The following RPTOR variants were observed in gnomAD, a reference collection of about 807,000 sequenced individuals.
RPTOR encodes regulatory-associated protein of mTOR.
RPTOR carries 21 observed loss-of-function variants against 169.9 expected under a neutral mutation model. That is an observed-to-expected ratio of 0.12 (90% confidence interval 0.09 to 0.18). The LOEUF is 0.18. Ranked by LOEUF, RPTOR falls within the 10% of genes least tolerant of loss-of-function variation. RPTOR has a pLI of 1.00. For missense variants in RPTOR, 1,133 were observed against 1,855.9 expected, an observed-to-expected ratio of 0.61 and a Z score of 7.16; for synonymous variants, 732 against 753.2, an observed-to-expected ratio of 0.97 and a Z score of 0.46.
intron 17 of RPTOR, among the ~76,000 whole-genome samples, chr17:80,890,931 A>C (rs1036089546): frequency 6.6e-6 from 1 of 152,152 alleles, no homozygotes; most frequent in African/African-American, 2.4e-5. Flanking sequence ...CGCGACTAGC[A>C]AGGGGTCCTC....
chr17:80,883,725 C>CA, intron 15 of RPTOR, 56 bp from the exon 16 acceptor site: 1 of 1,579,708 alleles, frequency 6.3e-7, no homozygotes, highest in Non-Finnish European at 8.7e-7. Context: ...AGGTACCCAC[C>CA]ACGTGCCTGC....
chr17:80,709,546 G>C (rs2066169425), intron 4 of RPTOR, among the ~76,000 whole-genome samples: 1 of 152,244 alleles, frequency 6.6e-6, no homozygotes, highest in Non-Finnish European at 1.5e-5. Context: ...CCAGGGGCCT[G>C]CAGCCCTGCC....
At chr17:80,773,544 G>A (rs1448500354) in intron 6 of RPTOR, among the ~76,000 whole-genome samples, 1 of 152,198 alleles carries the variant, frequency 6.6e-6, no homozygotes, top group Non-Finnish European at 1.5e-5. Flanking sequence ...ATTTGTGCCT[G>A]TGCTTTGCTC....
rs146834952 is a variant in RPTOR at position 80,659,184 on chromosome 17, G to A, written c.348+15374G>A. ...CCCCGAGAGATTGCCTCCGAGCGCT[G>A]TTAGGAGAGGGAAGAGCTGCACTCA... On this transcript the variant is annotated intron_variant, in intron 3 of 33. Coordinates refer to ENST00000306801, the MANE Select transcript of RPTOR (RefSeq NM_020761.3). This position sits in a 1 kb window ranked among gnomAD's most constrained non-coding sequence, Gnocchi z 4.3. Among the ~76,000 whole-genome samples, 1,311 of 152,300 alleles carry A rather than the reference G, an allele frequency of 8.6e-3. 21 individuals carry two copies. The highest frequency in any genetic ancestry group is 0.029 in the African/African-American group (1,218 of 41,564).
At chr17:80,587,660 C>T (rs1442096695) in intron 1 of RPTOR, among the ~76,000 whole-genome samples, 1 of 152,030 alleles carries the variant, frequency 6.6e-6, no homozygotes, top group African/African-American at 2.4e-5. Context: ...CCCCCTGGCC[C>T]CGACTTTGAA....
chr17:80,633,955 T>C lies in RPTOR; in HGVS notation c.265+8162T>C, dbSNP rs1307497013. On this transcript the variant is annotated intron_variant, in intron 2 of 33. Coordinates refer to ENST00000306801, the MANE Select transcript of RPTOR (RefSeq NM_020761.3). This position sits in a 1 kb window ranked among gnomAD's most constrained non-coding sequence, Gnocchi z 4.1. Reference sequence around the variant, plus strand: ...CCCAGCCTCATTCCTCTTAGTGGAATGTGGTGTTAGAAACTGAGATCTGGG... The same window carrying C: ...CCCAGCCTCATTCCTCTTAGTGGAACGTGGTGTTAGAAACTGAGATCTGGG... 6.6e-6 allele frequency among the ~76,000 whole-genome samples: 1 copy of C among 152,204 alleles called. No homozygotes were observed. The highest frequency in any genetic ancestry group is 1.5e-5 in the Non-Finnish European group (1 of 68,036).
chr17:80,922,034 A>G (rs2068751405), intron 21 of RPTOR, among the ~76,000 whole-genome samples: 1 of 152,184 alleles, frequency 6.6e-6, no homozygotes, highest in South Asian at 2.1e-4. Context: ...TTGCCACTGG[A>G]GAGAGCCCAA....
intron 24 of RPTOR, 84 bp from the exon 25 acceptor site, chr17:80,940,409 AGGG>A: frequency 9.2e-7 from 1 of 1,091,176 alleles, no homozygotes; most frequent in Admixed American, 2.3e-5. Flanking sequence ...TTGCTATCCG[AGGG>A]GTCCTAGAAC....
rs35253080 is a variant in RPTOR, at chr17:80,726,367, G to A, written c.508-4193G>A. Among the ~76,000 whole-genome samples, 22,125 of 152,230 alleles carry A rather than the reference G, an allele frequency of 0.15. 2,228 individuals carry two copies. Among genetic ancestry groups the A allele is most frequent in the African/African-American group, 0.29 (11,876 of 41,506 alleles). ...GGACCCTGCCGGTAACCTGGTGCTC[G>A]CCGCCCACAGATCACGGGGCGTGGA... is the stretch of plus-strand genomic sequence containing the variant. On this transcript the variant is annotated intron_variant, in intron 4 of 33. Transcript: ENST00000306801. The surrounding 1 kb of genome is among the most constrained non-coding windows in gnomAD (Gnocchi z 4.5).
chr17:80,594,348 G>A (rs1025597996), intron 1 of RPTOR, among the ~76,000 whole-genome samples: 5 of 152,148 alleles, frequency 3.3e-5, no homozygotes, highest in South Asian at 2.1e-4. Flanking sequence ...CACCTTGGCC[G>A]CCCAAAGTGC....
At chr17:80,805,003 A>G (rs1227351724) in intron 7 of RPTOR, 1 of 152,224 alleles carries the variant, frequency 6.6e-6, no homozygotes, top group African/African-American at 2.4e-5. Context: ...AAAACCTCAG[A>G]GGATTATCCC....
At chr17:80,822,398 G>A (rs986061475) in intron 8 of RPTOR, 97 bp downstream of exon 8, 10 of 1,201,758 alleles carry the variant, frequency 8.3e-6, no homozygotes, top group South Asian at 6.1e-5. Flanking sequence ...GGATCCGTGA[G>A]TGCCTCCCTA....
intron 21 of RPTOR, among the ~76,000 whole-genome samples, chr17:80,917,526 C>G (rs1044532967): frequency 2.0e-5 from 3 of 152,234 alleles, no homozygotes; most frequent in Admixed American, 6.5e-5. Flanking sequence ...ACCCTCTGTT[C>G]TCTCAAGCTG....
chr17:80,866,761 T>G (rs2067997014), intron 13 of RPTOR, among the ~76,000 whole-genome samples: 2 of 152,304 alleles, frequency 1.3e-5, no homozygotes, highest in South Asian at 4.1e-4. Flanking sequence ...TCTTTTTTTT[T>G]TAGAGACTGG....
rs139899439 is a variant in RPTOR, at chr17:80,811,039, T to C, written c.891-11162T>C. Among the ~76,000 whole-genome samples the C allele has an allele frequency of 2.4e-3, 365 of 152,352 alleles. 1 individual carries two copies. Among genetic ancestry groups the C allele is most frequent in the Non-Finnish European group, 3.5e-3 (237 of 68,036 alleles). ...CATCTGAAAATACATACAGTTTGAC[T>C]TCTTTATTTCCGATGTTTATGTCTT... On this transcript the variant is annotated intron_variant, in intron 7 of 33. Coordinates refer to ENST00000306801, the MANE Select transcript of RPTOR (RefSeq NM_020761.3).
chr17:80,546,827 G>C (rs1310897178), intron 1 of RPTOR, among the ~76,000 whole-genome samples: 3 of 152,154 alleles, frequency 2.0e-5, no homozygotes, highest in African/African-American at 7.2e-5. Flanking sequence ...GCCAAGGCAG[G>C]CCTCCCAAAG....
intron 3 of RPTOR, among the ~76,000 whole-genome samples, chr17:80,655,600 G>C (rs2065673609): frequency 6.8e-6 from 1 of 147,392 alleles, no homozygotes; most frequent in Non-Finnish European, 1.5e-5. Flanking sequence ...TTGTAGAGGT[G>C]GTGTCTTGCT....
chr17:80,893,487 G>A (rs1019618990), intron 19 of RPTOR, among the ~76,000 whole-genome samples: 3 of 145,998 alleles, frequency 2.1e-5, no homozygotes, highest in African/African-American at 7.5e-5. Context: ...GCGCCAGGGT[G>A]TGTGCGCCAG....
chr17:80,938,486 A>G (rs1209426851), intron 24 of RPTOR, among the ~76,000 whole-genome samples: 1 of 152,006 alleles, frequency 6.6e-6, no homozygotes, highest in African/African-American at 2.4e-5. Flanking sequence ...TTTTCTTATT[A>G]CTGTTCTATG....
Sources: allele counts gnomAD v4.1 joint callset (sites outside exome capture counted in the v4.1 genomes callset), GRCh38; gene constraint gnomAD v4.1.1; non-coding constraint Gnocchi (gnomAD v3.1); transcripts MANE v1.5; gene names NCBI Gene and HGNC (gene_info 2026-07-23, HGNC 2026-07-21).